Variants in WDR25 observed in about 807,000 individuals in gnomAD.
WDR25 encodes the protein WD repeat domain 25.
A neutral mutation model predicts 47.7 loss-of-function variants in WDR25; 35 were observed. That is an observed-to-expected ratio of 0.73 (90% CI 0.56 to 0.97). The LOEUF (loss-of-function observed/expected upper bound fraction) is 0.97, where lower values mean the gene tolerates loss of function less well. WDR25 is among the 50% of genes least tolerant of loss of function. WDR25 has a pLI of 0.00. For synonymous variants in WDR25, 248 were observed against 278.9 expected, an observed-to-expected ratio of 0.89 and a Z score of 1.10; for missense variants, 634 against 704.7, an observed-to-expected ratio of 0.90 and a Z score of 1.14.
At chr14:100,376,520 C>G in intron 1 of WDR25, 25 bp downstream of exon 1, 1 of 1,231,906 alleles carries the variant, frequency 8.1e-7, no homozygotes, top group East Asian at 3.2e-5. Context: ...CGGCGGGCCC[C>G]GGGCTGGAGG....
intron 4 of WDR25, among the ~76,000 whole-genome samples, chr14:100,484,479 TGTG>T (rs1344294152): frequency 6.6e-6 from 1 of 151,910 alleles, no homozygotes; most frequent in Non-Finnish European, 1.5e-5. Flanking sequence ...TGTGTGTGTG[TGTG>T]TGCGTGTGTG....
At chr14:100,382,946 T>C (rs541657820) in intron 2 of WDR25, among the ~76,000 whole-genome samples, 1 of 152,376 alleles carries the variant, frequency 6.6e-6, no homozygotes, top group East Asian at 1.9e-4. Flanking sequence ...TCATAGGCGC[T>C]CAGTAAATGG....
chr14:100,470,707 G>A (rs567120080), intron 3 of WDR25, among the ~76,000 whole-genome samples: 1 of 152,308 alleles, frequency 6.6e-6, no homozygotes, highest in Non-Finnish European at 1.5e-5. Flanking sequence ...TGCAGCCCCT[G>A]GTGGAGAGTT....
rs546766192 is a variant in WDR25 at position 100,498,333 on chromosome 14, G to T, written c.1101+14209G>T. Among the ~76,000 whole-genome samples the T allele has an allele frequency of 2.0e-5, 3 of 152,312 alleles. No individual in the cohort carries two copies. In the South Asian group the frequency reaches 6.2e-4, roughly 32 times the overall value. ...TCCGTAACAAGCGGGCCATTGCCAC[G>T]CCCAGTTCAGAAGGGAGATGAGGAG... On this transcript the variant is annotated intron_variant, in intron 4 of 6. Transcript: ENST00000402312. This position sits in a 1 kb window ranked among gnomAD's most constrained non-coding sequence, Gnocchi z 4.2.
chr14:100,452,824 G>A (rs1174422209), intron 2 of WDR25, among the ~76,000 whole-genome samples: 1 of 152,136 alleles, frequency 6.6e-6, no homozygotes, highest in Non-Finnish European at 1.5e-5. Context: ...TTTTACTGTG[G>A]TAAAATATAC....
chr14:100,435,267 A>T (rs1021150101), intron 2 of WDR25, among the ~76,000 whole-genome samples: 1 of 152,206 alleles, frequency 6.6e-6, no homozygotes, highest in Admixed American at 6.5e-5. Context: ...GGTTCATTGC[A>T]TGCCTGAGAT....
chr14:100,377,556 C>G (rs1896741178), intron 1 of WDR25, among the ~76,000 whole-genome samples: 1 of 152,060 alleles, frequency 6.6e-6, no homozygotes, highest in Non-Finnish European at 1.5e-5. Flanking sequence ...GTAATCCGCC[C>G]TTCTCGGCCT....
At chr14:100,463,802 G>T (rs778672184) in intron 2 of WDR25, among the ~76,000 whole-genome samples, 1 of 152,118 alleles carries the variant, frequency 6.6e-6, no homozygotes, top group Non-Finnish European at 1.5e-5. Context: ...CTTGGGCCAG[G>T]AACTGCGAAT....
intron 4 of WDR25, among the ~76,000 whole-genome samples, chr14:100,492,033 G>A (rs144696975): frequency 1.6e-4 from 25 of 152,316 alleles, no homozygotes; most frequent in Admixed American, 1.3e-3. Context: ...GGAAGAGGAC[G>A]CATTTCATTT....
chr14:100,519,304 T>C (rs1039885100), intron 4 of WDR25, among the ~76,000 whole-genome samples: 2 of 151,808 alleles, frequency 1.3e-5, no homozygotes, highest in African/African-American at 4.8e-5. Flanking sequence ...ATAGTGGGTT[T>C]ACTCCATTTC....
intron 2 of WDR25, among the ~76,000 whole-genome samples, chr14:100,408,053 A>G (rs1460631273): frequency 6.6e-6 from 1 of 152,028 alleles, no homozygotes; most frequent in Admixed American, 6.5e-5. Flanking sequence ...GAGTGTGGTG[A>G]TGGTAATGGC....
At chr14:100,512,264 A>G (rs73351036) in intron 4 of WDR25, among the ~76,000 whole-genome samples, 2 of 152,186 alleles carry the variant, frequency 1.3e-5, no homozygotes, top group South Asian at 4.1e-4. Context: ...AATTTTAAAT[A>G]AAATCTACTT....
chr14:100,412,290 A>G (rs1595512426), intron 2 of WDR25, among the ~76,000 whole-genome samples: 1 of 151,064 alleles, frequency 6.6e-6, no homozygotes, highest in Non-Finnish European at 1.5e-5. Context: ...TGTTTGGTTT[A>G]GTGAAGATGA....
At chr14:100,472,524 C>T (rs1048623420) in intron 3 of WDR25, among the ~76,000 whole-genome samples, 1 of 152,254 alleles carries the variant, frequency 6.6e-6, no homozygotes, top group African/African-American at 2.4e-5. Flanking sequence ...GAACTCCTCT[C>T]CTCCTCCGTC....
At chr14:100,450,004 G>T (rs1301995467) in intron 2 of WDR25, among the ~76,000 whole-genome samples, 1 of 152,182 alleles carries the variant, frequency 6.6e-6, no homozygotes, top group Non-Finnish European at 1.5e-5. Context: ...GGCGGCCCAG[G>T]CCTGCTCTCT....
At chr14:100,459,935 TATATAC>T (rs1249272962) in intron 2 of WDR25, among the ~76,000 whole-genome samples, 4 of 90,662 alleles carry the variant, frequency 4.4e-5, no homozygotes, top group Admixed American at 3.4e-4. Context: ...TATATATATA[TATATAC>T]ACATACACAT....
In WDR25 at chr14:100,449,145, T is replaced by C. The variant is rs377763815; in HGVS notation, c.823-18876T>C. The stretch of plus-strand genomic sequence containing the variant: ...ATGTGCTTGGCAAGATAAGGCCTTA[T>C]GGCTAGAAGGCTCGGAGAGCATCCT... On this transcript the variant is annotated intron_variant, in intron 2 of 6. Transcript: ENST00000402312. This position sits in a 1 kb window ranked among gnomAD's most constrained non-coding sequence, Gnocchi z 4.2. Among the ~76,000 whole-genome samples, 5 of 152,212 alleles carry C rather than the reference T, an allele frequency of 3.3e-5. No homozygotes were observed. Among genetic ancestry groups the C allele is most frequent in the Admixed American group, 6.5e-5 (1 of 15,292 alleles).
intron 2 of WDR25, among the ~76,000 whole-genome samples, chr14:100,464,493 G>A (rs1026116257): frequency 6.6e-6 from 1 of 152,138 alleles, no homozygotes; most frequent in African/African-American, 2.4e-5. Flanking sequence ...GTTACACAAT[G>A]CCTGGCTAAT....
At chr14:100,459,928 A>T (rs1368339374) in intron 2 of WDR25, among the ~76,000 whole-genome samples, 1 of 110,544 alleles carries the variant, frequency 9.0e-6, no homozygotes, top group South Asian at 2.8e-4. Context: ...ATATATATAT[A>T]TATATATATA....
Sources: gnomAD v4.1 joint callset for allele counts (sites outside exome capture counted in the v4.1 genomes callset) on GRCh38, gnomAD v4.1.1 for gene constraint, Gnocchi (gnomAD v3.1) non-coding constraint, MANE v1.5 for transcripts, NCBI Gene and HGNC (gene_info 2026-07-23, HGNC 2026-07-21) for gene names.